The following NOS1AP variants were observed in gnomAD, a reference collection of about 807,000 sequenced individuals.
NOS1AP encodes the protein carboxyl-terminal PDZ ligand of neuronal nitric oxide synthase protein.
NOS1AP carries 21 observed loss-of-function variants against 56.2 expected under a neutral mutation model. The observed-to-expected ratio is 0.37, with a 90% confidence interval of 0.26 to 0.54. NOS1AP has a LOEUF of 0.54. NOS1AP is among the 20% of genes least tolerant of loss of function. The pLI, the probability that NOS1AP is intolerant of heterozygous loss-of-function variation, is 0.84. For synonymous variants in NOS1AP, 270 were observed against 274.6 expected, an observed-to-expected ratio of 0.98 and a Z score of 0.17; for missense variants, 522 against 657.8, an observed-to-expected ratio of 0.79 and a Z score of 2.26.
At chr1:162,168,658 T>C (rs1326844143) in intron 2 of NOS1AP, among the ~76,000 whole-genome samples, 1 of 149,342 alleles carries the variant, frequency 6.7e-6, no homozygotes, top group Non-Finnish European at 1.5e-5. Flanking sequence ...TCTCTTTCCT[T>C]CTCCCCTTTT....
chr1:162,265,122 C>T (rs1222248393), intron 2 of NOS1AP, among the ~76,000 whole-genome samples: 2 of 152,148 alleles, frequency 1.3e-5, no homozygotes, highest in Admixed American at 6.5e-5. Context: ...GTCCTCTTTG[C>T]CTACTTTCTA....
At chr1:162,070,338 G>A (rs899830936) in intron 1 of NOS1AP, 56 bp downstream of exon 1, 3 of 1,440,904 alleles carry the variant, frequency 2.1e-6, no homozygotes, top group Non-Finnish European at 2.9e-6. Context: ...GGGCATGTTT[G>A]AGCGGATGGG....
chr1:162,122,139 G>A (rs1648265895), intron 1 of NOS1AP, among the ~76,000 whole-genome samples: 1 of 152,148 alleles, frequency 6.6e-6, no homozygotes, highest in South Asian at 2.1e-4. Flanking sequence ...TTTTTCTCTA[G>A]ATAATAATTA....
intron 2 of NOS1AP, among the ~76,000 whole-genome samples, chr1:162,195,303 C>T (rs1167946144): frequency 1.3e-5 from 2 of 152,028 alleles, no homozygotes; most frequent in Admixed American, 6.6e-5. Context: ...TATTTACTGT[C>T]CCATAAGTAC....
chr1:162,288,910 T>G (rs1001502075), intron 3 of NOS1AP, among the ~76,000 whole-genome samples: 3 of 152,236 alleles, frequency 2.0e-5, no homozygotes, highest in African/African-American at 7.2e-5. Context: ...CACATGTATG[T>G]ACAGAGTGGA....
At chr1:162,235,871 G>A (rs879436573) in intron 2 of NOS1AP, among the ~76,000 whole-genome samples, 3 of 152,164 alleles carry the variant, frequency 2.0e-5, no homozygotes, top group Non-Finnish European at 2.9e-5. Flanking sequence ...GATACTTGTC[G>A]CATCAGTTGG....
At chr1:162,338,783 T>A (rs1252607123) in intron 5 of NOS1AP, 1 of 152,156 alleles carries the variant, frequency 6.6e-6, no homozygotes, top group Non-Finnish European at 1.5e-5. Context: ...GAATCAACCT[T>A]TTGATTTATG....
In NOS1AP at chr1:162,152,170, T is replaced by A. The variant is rs1649740756; in HGVS notation, c.106-2235T>A. Among the ~76,000 whole-genome samples the A allele has an allele frequency of 5.3e-5, 8 of 152,130 alleles. No individual in the cohort carries two copies. In the South Asian group the frequency reaches 1.7e-3, roughly 32 times the overall value. On this transcript the variant is annotated intron_variant, in intron 1 of 9. Transcript: ENST00000361897. ...ATAGGGATGGGTCCCATCTGGGTAT[T>A]TGTGTTTAGGCCCAATGGTGGGTCT...
At chr1:162,167,818 G>A (rs577618924) in intron 2 of NOS1AP, among the ~76,000 whole-genome samples, 1 of 152,338 alleles carries the variant, frequency 6.6e-6, no homozygotes, top group African/African-American at 2.4e-5. Context: ...AAGGGAGACA[G>A]TTTGAATTGC....
chr1:162,180,348 C>A (rs572113712), intron 2 of NOS1AP, among the ~76,000 whole-genome samples: 1 of 152,078 alleles, frequency 6.6e-6, no homozygotes, highest in Non-Finnish European at 1.5e-5. Flanking sequence ...GGGTTCACGC[C>A]GTTCTTCTGC....
chr1:162,315,472 A>G (rs1025560149), intron 4 of NOS1AP, among the ~76,000 whole-genome samples: 6 of 152,186 alleles, frequency 3.9e-5, no homozygotes, highest in Non-Finnish European at 7.3e-5. Flanking sequence ...TGGTGGCGTC[A>G]CACCTCTGAG....
In NOS1AP at chr1:162,367,803, T is replaced by G. The variant is rs182109840; in HGVS notation, c.*336T>G. 1.2e-3 allele frequency: 342 copies of G among 293,814 alleles called. 2 individuals are homozygous for G. Among genetic ancestry groups the G allele is most frequent in the African/African-American group, 6.8e-3 (316 of 46,640 alleles). 18.2% of individuals were successfully genotyped at this position (293,814 alleles called of 1,614,324 possible). A position where few individuals can be genotyped will look rare whatever the true frequency, so the allele number is the denominator to read the frequency against. On this transcript the variant is annotated 3_prime_UTR_variant, in exon 10 of 10. Coordinates refer to ENST00000361897, the MANE Select transcript of NOS1AP (RefSeq NM_014697.3). This position sits in a 1 kb window ranked among gnomAD's most constrained non-coding sequence, Gnocchi z 6.5. Reference sequence around the variant, plus strand: ...GCCCCTACCTGCTGCATCGTCAGGCTCCCACGCTTTGTCCGTGATGCCCCC... The same window carrying G: ...GCCCCTACCTGCTGCATCGTCAGGCGCCCACGCTTTGTCCGTGATGCCCCC...
intron 2 of NOS1AP, among the ~76,000 whole-genome samples, chr1:162,217,267 C>CTT (rs61378473): frequency 1.0e-4 from 7 of 68,366 alleles, no homozygotes; most frequent in South Asian, 5.7e-4. Context: ...CTGTTGTTAG[C>CTT]TTTTTTTTTT....
chr1:162,287,330 C>T lies in NOS1AP; in HGVS notation c.178-14C>T. ...TCAGATTGCACTTTCTTTTTGTTTT[C>T]TTCTTTCTTGCAGTATGAGTTTAAA... On this transcript the variant is annotated splice_polypyrimidine_tract_variant and intron_variant, in intron 2 of 9. Coordinates refer to ENST00000361897, the MANE Select transcript of NOS1AP (RefSeq NM_014697.3). 1.3e-6 allele frequency: 2 copies of T among 1,588,698 alleles called. No homozygotes were observed. The highest frequency in any genetic ancestry group is 1.7e-6 in the Non-Finnish European group (2 of 1,156,964).
chr1:162,220,906 G>T lies in NOS1AP; in HGVS notation c.177+66430G>T, dbSNP rs538944377. Among the ~76,000 whole-genome samples the T allele has an allele frequency of 1.9e-3, 289 of 152,172 alleles. 1 individual carries two copies. Among genetic ancestry groups the T allele is most frequent in the Admixed American group, 3.3e-3 (50 of 15,280 alleles). ...ATCCAGAATTTGTTGACTAATGATT[G>T]GAGCTGTATTCTGAAAAAAAGAAAT... is the stretch of plus-strand genomic sequence containing the variant. On this transcript the variant is annotated intron_variant, in intron 2 of 9. Transcript: ENST00000361897.
At chr1:162,175,068 T>C (rs1557819489) in intron 2 of NOS1AP, among the ~76,000 whole-genome samples, 1 of 152,206 alleles carries the variant, frequency 6.6e-6, no homozygotes, top group South Asian at 2.1e-4. Context: ...TTATGACTTA[T>C]CACTGTTGAT....
chr1:162,208,636 A>T (rs917730400), intron 2 of NOS1AP, among the ~76,000 whole-genome samples: 2 of 152,206 alleles, frequency 1.3e-5, no homozygotes, highest in African/African-American at 4.8e-5. Context: ...CAGTTGTGAC[A>T]TTCAGAAATG....
At chr1:162,281,927 C>T (rs985118288) in intron 2 of NOS1AP, among the ~76,000 whole-genome samples, 1 of 152,138 alleles carries the variant, frequency 6.6e-6, no homozygotes, top group Non-Finnish European at 1.5e-5. Flanking sequence ...TGGTGAAACC[C>T]CGTTTCTACT....
chr1:162,275,050 G>A (rs1254140548), intron 2 of NOS1AP, among the ~76,000 whole-genome samples: 4 of 152,038 alleles, frequency 2.6e-5, no homozygotes, highest in African/African-American at 4.8e-5. Context: ...TGGCTTCCAC[G>A]GAGCAAGTTT....
Sources: allele counts gnomAD v4.1 joint callset (sites outside exome capture counted in the v4.1 genomes callset), GRCh38; gene constraint gnomAD v4.1.1; non-coding constraint Gnocchi (gnomAD v3.1); transcripts MANE v1.5; gene names NCBI Gene and HGNC (gene_info 2026-07-23, HGNC 2026-07-21).